MTUS2: variants seen among roughly 807,000 people sequenced by gnomAD.
MTUS2 encodes microtubule-associated tumor suppressor candidate 2.
A neutral mutation model predicts 114.1 loss-of-function variants in MTUS2; 40 were observed. That is an observed-to-expected ratio of 0.35 (90% CI 0.27 to 0.46). The LOEUF (loss-of-function observed/expected upper bound fraction) is 0.46. Among genes scored for constraint, MTUS2 ranks in the 20% least tolerant of loss-of-function variants. The pLI, the probability that MTUS2 is intolerant of heterozygous loss-of-function variation, is 1.00. For synonymous variants in MTUS2, 688 were observed against 672.0 expected (o/e 1.02, Z -0.37); for missense variants, 1,679 against 1,705.4 (o/e 0.98, Z 0.27).
chr13:29,318,830 T>C (rs979674862), intron 6 of MTUS2, among the ~76,000 whole-genome samples: 3 of 152,184 alleles, frequency 2.0e-5, no homozygotes, highest in Non-Finnish European at 4.4e-5. Flanking sequence ...CCCACCCCTG[T>C]AGGCTTTTGA....
At chr13:29,255,834 A>C (rs998385613) in intron 5 of MTUS2, among the ~76,000 whole-genome samples, 1 of 152,126 alleles carries the variant, frequency 6.6e-6, no homozygotes, top group African/African-American at 2.4e-5. Flanking sequence ...AATAGCCTTC[A>C]GTTTCTGGAC....
rs1010756801 is a variant in MTUS2, at chr13:29,416,932, C to T, written c.3118-23051C>T. ...TTAACTTTCCCAAGTACCCAGTGGG[C>T]CCTTTCAATAGTACGTTTCAATTAT... On this transcript the variant is annotated intron_variant, in intron 8 of 15. Transcript: ENST00000612955. 3.3e-5 allele frequency among the ~76,000 whole-genome samples: 5 copies of T among 152,156 alleles called. No individual in the cohort carries two copies. In the East Asian group the frequency reaches 9.7e-4, roughly 29 times the overall value.
intron 8 of MTUS2, among the ~76,000 whole-genome samples, chr13:29,390,593 A>G (rs1340574946): frequency 6.7e-6 from 1 of 149,488 alleles, no homozygotes; most frequent in African/African-American, 2.5e-5. Flanking sequence ...GCAGAAGCTG[A>G]GTGAGCCGAG....
intron 2 of MTUS2, among the ~76,000 whole-genome samples, chr13:28,965,970 C>G (rs1477662783): frequency 6.6e-6 from 1 of 152,210 alleles, no homozygotes; most frequent in Non-Finnish European, 1.5e-5. Context: ...ATGGCCTAGC[C>G]AAGCTGATGT....
intron 2 of MTUS2, among the ~76,000 whole-genome samples, chr13:28,942,173 A>G (rs1426786362): frequency 6.6e-6 from 1 of 152,192 alleles, no homozygotes; most frequent in African/African-American, 2.4e-5. Context: ...AAATATCAGC[A>G]AAAGAGTTGA....
At position 29,503,151 on chromosome 13, in the gene MTUS2, G is replaced by A. The variant is rs766327837; in HGVS notation, c.4055G>A (p.Arg1352His). ...CTCTCGCCCACATCTCCCGTTTACC[G>A]CGGCTCCTCCTCGGGGCCCTCCTCT... ...IKLSPTSPVY[R>H]GSSSGPSSPA... The change falls in exon 16 of 16, where the codon CGC becomes CAC. Residue 1352 changes from arginine (R) to histidine (H), a missense_variant. By Grantham distance (29) the Arg-to-His change is conservative (BLOSUM62 0). Coordinates refer to ENST00000612955, the MANE Select transcript of MTUS2 (RefSeq NM_001033602.4). The A allele has an allele frequency of 3.7e-6, 6 of 1,614,084 alleles. No individual in the cohort carries two copies. The highest frequency in any genetic ancestry group is 1.3e-5 in the African/African-American group (1 of 74,928).
intron 2 of MTUS2, among the ~76,000 whole-genome samples, chr13:29,012,798 C>T (rs898997096): frequency 2.0e-5 from 3 of 151,852 alleles, no homozygotes; most frequent in Non-Finnish European, 2.9e-5. Context: ...GGCGTGAACC[C>T]GGGAGGCAGA....
At chr13:29,336,334 G>A (rs566749756) in intron 7 of MTUS2, among the ~76,000 whole-genome samples, 4 of 152,232 alleles carry the variant, frequency 2.6e-5, no homozygotes, top group South Asian at 2.1e-4. Flanking sequence ...TTGTGTGGAC[G>A]TCCTTTTTGT....
At chr13:28,950,701 G>A (rs1262345527) in intron 2 of MTUS2, among the ~76,000 whole-genome samples, 1 of 152,112 alleles carries the variant, frequency 6.6e-6, no homozygotes, top group Non-Finnish European at 1.5e-5. Context: ...CATCTTATAT[G>A]GGCATGGTTC....
intron 5 of MTUS2, among the ~76,000 whole-genome samples, chr13:29,151,001 C>G (rs889436527): frequency 2.0e-5 from 3 of 151,956 alleles, no homozygotes; most frequent in Admixed American, 1.3e-4. Flanking sequence ...TTCTTTTTGC[C>G]TAAGATTGCT....
chr13:29,464,228 G>A (rs1566215688), intron 9 of MTUS2, among the ~76,000 whole-genome samples: 1 of 152,254 alleles, frequency 6.6e-6, no homozygotes, highest in Non-Finnish European at 1.5e-5. Flanking sequence ...GGATCACTCT[G>A]TGACTCTAAG....
chr13:29,012,522 T>A (rs1364128568), intron 2 of MTUS2, among the ~76,000 whole-genome samples: 2 of 152,044 alleles, frequency 1.3e-5, no homozygotes, highest in Non-Finnish European at 2.9e-5. Flanking sequence ...GGGAATAAAT[T>A]AGTGAAATAT....
intron 6 of MTUS2, among the ~76,000 whole-genome samples, chr13:29,292,961 A>G (rs1898779682): frequency 6.6e-6 from 1 of 152,234 alleles, no homozygotes; most frequent in Admixed American, 6.5e-5. Context: ...TGTAAATTTT[A>G]AAAAGTTGTA....
chr13:29,086,371 G>T (rs1889692632), intron 4 of MTUS2, among the ~76,000 whole-genome samples: 1 of 152,120 alleles, frequency 6.6e-6, no homozygotes, highest in African/African-American at 2.4e-5. Context: ...GTCCAGAATG[G>T]TATTTCCTAG....
At chr13:29,241,285 A>C (rs1373873496) in intron 5 of MTUS2, among the ~76,000 whole-genome samples, 1 of 144,828 alleles carries the variant, frequency 6.9e-6, no homozygotes, top group Non-Finnish European at 1.5e-5. Flanking sequence ...AATTTCATGG[A>C]GACTTTAAGT....
At chr13:29,070,209 CTT>C (rs1026032250) in intron 4 of MTUS2, among the ~76,000 whole-genome samples, 48 of 152,266 alleles carry the variant, frequency 3.2e-4, no homozygotes, top group African/African-American at 1.2e-3. Flanking sequence ...CAATTCTGCT[CTT>C]TGTTTACCTT....
intron 2 of MTUS2, among the ~76,000 whole-genome samples, chr13:28,874,987 C>T (rs1877846046): frequency 6.6e-6 from 1 of 152,182 alleles, no homozygotes; most frequent in African/African-American, 2.4e-5. Flanking sequence ...TTCATGTATA[C>T]TGATGGAGGT....
intron 2 of MTUS2, among the ~76,000 whole-genome samples, chr13:28,906,015 C>T (rs1185519383): frequency 6.6e-6 from 1 of 151,616 alleles, no homozygotes. Context: ...TTATCCATTT[C>T]TTTTAGTTTT....
At chr13:29,376,120 A>G (rs775170624) in intron 8 of MTUS2, among the ~76,000 whole-genome samples, 4 of 152,192 alleles carry the variant, frequency 2.6e-5, no homozygotes, top group Non-Finnish European at 5.9e-5. Context: ...TAGAATAACA[A>G]GAATGAAGCA....
Sources: gnomAD v4.1 joint callset for allele counts (sites outside exome capture counted in the v4.1 genomes callset) on GRCh38, gnomAD v4.1.1 for gene constraint, MANE v1.5 for transcripts, NCBI Gene and HGNC (gene_info 2026-07-23, HGNC 2026-07-21) for gene names.